The following PCDH15 variants were observed in gnomAD, a reference collection of about 807,000 sequenced individuals.
PCDH15 encodes the protein protocadherin-15.
In PCDH15, 129 loss-of-function variants were observed where a neutral mutation model predicts 178.5. The ratio of observed to expected loss-of-function variants is 0.72; its 90% CI spans 0.63 to 0.84. The LOEUF (loss-of-function observed/expected upper bound fraction) is 0.84, where lower values mean the gene tolerates loss of function less well. PCDH15 is among the 40% of genes least tolerant of loss of function. The probability of loss-of-function intolerance (pLI) is 0.00; values close to 1 mark genes in which losing one functional copy is unlikely to be tolerated. For missense variants in PCDH15, 2,230 were observed against 2,099.9 expected (o/e 1.06, Z -1.21); for synonymous variants, 800 against 732.0 (o/e 1.09, Z -1.50).
intron 14 of PCDH15, among the ~76,000 whole-genome samples, chr10:54,146,636 C>T (rs1264422139): frequency 6.6e-6 from 1 of 151,566 alleles, no homozygotes; most frequent in African/African-American, 2.4e-5. Flanking sequence ...TTCCTTCTCT[C>T]ACTCTCTGAA....
intron 26 of PCDH15, among the ~76,000 whole-genome samples, chr10:53,885,108 A>T (rs1293601272): frequency 6.6e-6 from 1 of 152,156 alleles, no homozygotes; most frequent in Non-Finnish European, 1.5e-5. Context: ...GAAAAATGGC[A>T]ATGTTGACCA....
At chr10:55,257,376 T>C (rs1301182104) in intron 1 of PCDH15, among the ~76,000 whole-genome samples, 2 of 152,122 alleles carry the variant, frequency 1.3e-5, no homozygotes, top group African/African-American at 4.8e-5. Context: ...AGATGGAGAA[T>C]GACTTTGACG....
At chr10:54,959,037 G>C (rs1400730086) in intron 2 of PCDH15, among the ~76,000 whole-genome samples, 1 of 151,658 alleles carries the variant, frequency 6.6e-6, no homozygotes, top group Non-Finnish European at 1.5e-5. Flanking sequence ...GAGTTGAATG[G>C]GAAAACTTAA....
chr10:54,781,093 T>C (rs1165911666), intron 1 of PCDH15, among the ~76,000 whole-genome samples: 1 of 152,122 alleles, frequency 6.6e-6, no homozygotes, highest in East Asian at 1.9e-4. Context: ...GTTCACACCA[T>C]AAAACATTTT....
intron 2 of PCDH15, among the ~76,000 whole-genome samples, chr10:54,605,517 G>C (rs2092706245): frequency 6.6e-6 from 1 of 152,088 alleles, no homozygotes; most frequent in Admixed American, 6.6e-5. Flanking sequence ...GATCATAGGA[G>C]GGTTCCCTAA....
chr10:54,038,360 T>C (rs1396928258), intron 18 of PCDH15, among the ~76,000 whole-genome samples: 1 of 151,754 alleles, frequency 6.6e-6, no homozygotes, highest in East Asian at 1.9e-4. Context: ...GAGGCAGAGA[T>C]TAGTTGCAAG....
intron 8 of PCDH15, among the ~76,000 whole-genome samples, chr10:54,245,689 G>A (rs1348454593): frequency 1.3e-5 from 2 of 151,994 alleles, no homozygotes; most frequent in Non-Finnish European, 2.9e-5. Context: ...AAGGCATGAG[G>A]AGATGTGGGC....
chr10:54,948,962 A>G (rs1366596041), intron 2 of PCDH15, among the ~76,000 whole-genome samples: 1 of 151,934 alleles, frequency 6.6e-6, no homozygotes, highest in Non-Finnish European at 1.5e-5. Context: ...GATTCCACAC[A>G]TAAAACATTC....
At chr10:55,165,807 C>T (rs996989908) in intron 2 of PCDH15, among the ~76,000 whole-genome samples, 16 of 151,964 alleles carry the variant, frequency 1.1e-4, no homozygotes, top group African/African-American at 3.9e-4. Context: ...ATTTGATTTC[C>T]TTAAACATGT....
chr10:54,842,086 T>C (rs1953428945), intron 3 of PCDH15, among the ~76,000 whole-genome samples: 1 of 151,888 alleles, frequency 6.6e-6, no homozygotes, highest in Non-Finnish European at 1.5e-5. Flanking sequence ...GAAATTGGAC[T>C]TATTCTCTTA....
At chr10:54,854,527 T>A (rs373841574) in intron 3 of PCDH15, among the ~76,000 whole-genome samples, 44 of 152,140 alleles carry the variant, frequency 2.9e-4, no homozygotes, top group African/African-American at 9.6e-4. Context: ...CAGGGGGAGC[T>A]CCTTTCTGCA....
intron 2 of PCDH15, among the ~76,000 whole-genome samples, chr10:55,116,414 A>G (rs1345251122): frequency 5.9e-5 from 9 of 152,140 alleles, no homozygotes. Flanking sequence ...TATAATAGGT[A>G]AGCAAAATTT....
intron 3 of PCDH15, among the ~76,000 whole-genome samples, chr10:54,504,874 T>C (rs2081035227): frequency 1.3e-5 from 2 of 152,090 alleles, no homozygotes; most frequent in Admixed American, 1.3e-4. Flanking sequence ...ATCTAGAATG[T>C]CACCAACAAT....
At chr10:54,825,629 G>A (rs1953118015) in intron 3 of PCDH15, among the ~76,000 whole-genome samples, 1 of 150,908 alleles carries the variant, frequency 6.6e-6, no homozygotes, top group Non-Finnish European at 1.5e-5. Flanking sequence ...GGCCAGTGAT[G>A]GTGAGCATTT....
At chr10:55,007,620 T>C (rs1352342389) in intron 2 of PCDH15, among the ~76,000 whole-genome samples, 1 of 152,178 alleles carries the variant, frequency 6.6e-6, no homozygotes, top group South Asian at 2.1e-4. Context: ...TGTTTGTTTG[T>C]TCCTTTACAT....
At chr10:54,845,115 CT>C (rs955253660) in intron 3 of PCDH15, among the ~76,000 whole-genome samples, 2 of 151,478 alleles carry the variant, frequency 1.3e-5, no homozygotes, top group Admixed American at 6.6e-5. Flanking sequence ...AAGGAAAAGC[CT>C]TTTTTTCTTT....
At chr10:54,110,658 T>C (rs1325248200) in intron 15 of PCDH15, among the ~76,000 whole-genome samples, 1 of 152,206 alleles carries the variant, frequency 6.6e-6, no homozygotes, top group African/African-American at 2.4e-5. Context: ...CTTCTATTGC[T>C]AGATAATTGT....
chr10:54,846,548 G>A (rs1953520699), intron 3 of PCDH15, among the ~76,000 whole-genome samples: 2 of 151,874 alleles, frequency 1.3e-5, no homozygotes, highest in African/African-American at 4.8e-5. Flanking sequence ...TCTACCATTC[G>A]GCCATCATAC....
At chr10:54,834,569 A>C (rs1953282625) in intron 3 of PCDH15, among the ~76,000 whole-genome samples, 1 of 152,126 alleles carries the variant, frequency 6.6e-6, no homozygotes, top group South Asian at 2.1e-4. Context: ...CAGAATAAGA[A>C]AGAAAGAGAC....
Sources: allele counts gnomAD v4.1 joint callset (sites outside exome capture counted in the v4.1 genomes callset), GRCh38; gene constraint gnomAD v4.1.1; transcripts MANE v1.5; gene names NCBI Gene and HGNC (gene_info 2026-07-23, HGNC 2026-07-21).